Variants in ITGAV observed in about 807,000 individuals in gnomAD.
The protein encoded by ITGAV is integrin alpha-V.
Under a neutral mutation model 143.8 loss-of-function variants are expected in ITGAV, and 76 were observed. The ratio of observed to expected loss-of-function variants is 0.53; its 90% CI spans 0.44 to 0.64. ITGAV has a LOEUF of 0.64. Ranked by LOEUF, ITGAV falls within the 30% of genes least tolerant of loss-of-function variation. The probability of loss-of-function intolerance (pLI) is 0.00; values close to 1 mark genes in which losing one functional copy is unlikely to be tolerated. For synonymous variants in ITGAV, 453 were observed against 446.7 expected (o/e 1.01, Z -0.18); for missense variants, 1,193 against 1,274.7 (o/e 0.94, Z 0.98).
intron 21 of ITGAV, 48 bp downstream of exon 21, chr2:186,665,266 G>C: frequency 8.5e-7 from 1 of 1,181,912 alleles, no homozygotes; most frequent in Non-Finnish European, 1.3e-6. Flanking sequence ...AAATAGAAAA[G>C]CATATTGTTG....
intron 1 of ITGAV, among the ~76,000 whole-genome samples, chr2:186,593,488 T>C (rs1392374517): frequency 6.6e-6 from 1 of 152,054 alleles, no homozygotes; most frequent in Non-Finnish European, 1.5e-5. Context: ...CATTTATTTA[T>C]GCTATGTTGT....
intron 26 of ITGAV, among the ~76,000 whole-genome samples, chr2:186,670,660 G>A (rs1187636093): frequency 6.6e-6 from 1 of 152,158 alleles, no homozygotes; most frequent in Non-Finnish European, 1.5e-5. Flanking sequence ...TGTGGTTCTT[G>A]TTAGTCCTCA....
At chr2:186,621,377 T>A (rs992871009) in intron 2 of ITGAV, among the ~76,000 whole-genome samples, 2 of 152,170 alleles carry the variant, frequency 1.3e-5, no homozygotes, top group African/African-American at 4.8e-5. Context: ...GTAAGTACAA[T>A]ATAGTCATCA....
intron 4 of ITGAV, 100 bp from the exon 5 acceptor site, chr2:186,630,697 G>A: frequency 1.5e-6 from 1 of 672,074 alleles, no homozygotes; most frequent in Non-Finnish European, 2.7e-6. Flanking sequence ...TCAAAAATTG[G>A]TACATTATCT....
At chr2:186,668,691 T>C (rs1460343582) in intron 24 of ITGAV, 71 bp from the exon 25 acceptor site, 1 of 1,336,284 alleles carries the variant, frequency 7.5e-7, no homozygotes, top group Admixed American at 2.0e-5. Flanking sequence ...ATTTCTAAAG[T>C]TGATGTAGGG....
At position 186,637,828 on chromosome 2, in the gene ITGAV, C is replaced by T. The variant is rs16828141; in HGVS notation, c.803-449C>T. On this transcript the variant is annotated intron_variant, in intron 8 of 29. Transcript: ENST00000261023. ...CATCTCTGTACGGTTATTACCCCAT[C>T]CTCTCATTGTCCATCCATCTTCCTT... 5.6e-4 allele frequency among the ~76,000 whole-genome samples: 85 copies of T among 152,284 alleles called. No homozygotes were observed. In the East Asian group the frequency reaches 0.015, roughly 27 times the overall value.
chr2:186,676,240 G>C (rs10931252), intron 28 of ITGAV: 26 of 224,752 alleles, frequency 1.2e-4, no homozygotes, highest in African/African-American at 5.8e-4. Context: ...CAACAAGTGA[G>C]GCATTTTGAA....
At position 186,678,153 on chromosome 2, in the gene ITGAV, A is replaced by T. The variant is rs1401564884; in HGVS notation, c.*861A>T. ...TTTAGTCTGGCTATTTACAGTATAA[A>T]AAAAGCATTTTTATTAAAATACTGT... On this transcript the variant is annotated 3_prime_UTR_variant, in exon 30 of 30. Coordinates refer to ENST00000261023, the MANE Select transcript of ITGAV (RefSeq NM_002210.5). 1 of 152,162 alleles carries T rather than the reference A, an allele frequency of 6.6e-6. No individual in the cohort carries two copies. The highest frequency in any genetic ancestry group is 1.5e-5 in the Non-Finnish European group (1 of 67,992). 9.4% of individuals were successfully genotyped at this position (152,162 alleles called of 1,614,324 possible).
At chr2:186,664,344 T>C (rs180902308) in intron 19 of ITGAV, 150 bp from the exon 20 acceptor site, 24 of 704,914 alleles carry the variant, frequency 3.4e-5, no homozygotes, top group Admixed American at 9.1e-5. Flanking sequence ...TATTTTCTGT[T>C]TTCTATCAAG....
rs899585496 is a variant in ITGAV at position 186,656,361 on chromosome 2, G to C, written c.1679G>C (p.Gly560Ala). Residue 560 changes from glycine (G) to alanine (A), a missense_variant, in exon 17 of 30, where the codon GGG becomes GCG. Transcript: ENST00000261023. ...TCCAAGAACATGACTATTTCAAGGGGGGGACTGATGCAGTGTGAGGAATTG... is the reference window on the plus strand; with the variant it reads ...TCCAAGAACATGACTATTTCAAGGGCGGGACTGATGCAGTGTGAGGAATTG... Reference protein sequence around the residue: ...SHSKNMTISRGGLMQCEELIA... With the variant: ...SHSKNMTISRAGLMQCEELIA... 2 of 1,553,084 alleles carry C rather than the reference G, an allele frequency of 1.3e-6. No individual in the cohort carries two copies. The highest frequency in any genetic ancestry group is 8.6e-7 in the Non-Finnish European group (1 of 1,156,774).
At chr2:186,668,047 A>G (rs1688948438) in intron 24 of ITGAV, 2 of 184,026 alleles carry the variant, frequency 1.1e-5, no homozygotes, top group Admixed American at 1.2e-4. Flanking sequence ...GTACTTTCTC[A>G]TGGGCATTTT....
chr2:186,613,710 C>T (rs908298287), intron 2 of ITGAV, among the ~76,000 whole-genome samples: 2 of 152,062 alleles, frequency 1.3e-5, no homozygotes, highest in African/African-American at 4.8e-5. Context: ...ATTGTCCTTT[C>T]GTTAATAGTA....
chr2:186,670,325 G>A (rs1056154898), intron 26 of ITGAV, among the ~76,000 whole-genome samples: 2 of 151,882 alleles, frequency 1.3e-5, no homozygotes, highest in Non-Finnish European at 2.9e-5. Context: ...TTTTGACACA[G>A]AGCCTCACTT....
At chr2:186,634,459 A>AC (rs1272263495) in intron 6 of ITGAV, among the ~76,000 whole-genome samples, 2 of 60,692 alleles carry the variant, frequency 3.3e-5, no homozygotes, top group African/African-American at 1.2e-4. Flanking sequence ...GCTTCTTTGT[A>AC]GAAAACATGC....
At chr2:186,641,347 A>G (rs1302538845) in intron 11 of ITGAV, 39 bp from the exon 12 acceptor site, 2 of 1,541,410 alleles carry the variant, frequency 1.3e-6, no homozygotes, top group Non-Finnish European at 9.0e-7. Context: ...AAGACATGAA[A>G]TTTGTTCTTG....
chr2:186,673,184 C>G (rs1689113923), intron 26 of ITGAV, among the ~76,000 whole-genome samples: 1 of 152,048 alleles, frequency 6.6e-6, no homozygotes, highest in Non-Finnish European at 1.5e-5. Flanking sequence ...TTATTCTTTC[C>G]CCTTAAATGG....
At chr2:186,639,592 G>C (rs1688047448) in intron 10 of ITGAV, among the ~76,000 whole-genome samples, 2 of 152,126 alleles carry the variant, frequency 1.3e-5, no homozygotes, top group Non-Finnish European at 2.9e-5. Context: ...TTCCACTATT[G>C]GGAAGTGGGG....
intron 26 of ITGAV, among the ~76,000 whole-genome samples, chr2:186,671,162 C>G (rs1574504268): frequency 1.3e-5 from 2 of 152,138 alleles, no homozygotes; most frequent in African/African-American, 4.8e-5. Flanking sequence ...GCCTTTCTCC[C>G]CACTATACTT....
At chr2:186,673,006 A>T (rs894251415) in intron 26 of ITGAV, among the ~76,000 whole-genome samples, 3 of 152,220 alleles carry the variant, frequency 2.0e-5, no homozygotes, top group Admixed American at 6.5e-5. Flanking sequence ...AAGGTCATGA[A>T]GATTCATACC....
Sources: allele counts gnomAD v4.1 joint callset (sites outside exome capture counted in the v4.1 genomes callset), GRCh38; gene constraint gnomAD v4.1.1; transcripts MANE v1.5; gene names NCBI Gene and HGNC (gene_info 2026-07-23, HGNC 2026-07-21).